The following TENM3 variants were observed in gnomAD, a reference collection of about 807,000 sequenced individuals.
The protein encoded by TENM3 is teneurin transmembrane protein 3.
TENM3 carries 63 observed loss-of-function variants against 255.1 expected under a neutral mutation model. The ratio of observed to expected loss-of-function variants is 0.25; its 90% CI spans 0.20 to 0.30. TENM3 has a LOEUF of 0.30. TENM3 is among the 10% of genes least tolerant of loss of function. The pLI, the probability that TENM3 is intolerant of heterozygous loss-of-function variation, is 1.00. For missense variants in TENM3, 2,929 were observed against 3,461.1 expected (o/e 0.85, Z 3.86); for synonymous variants, 1,306 against 1,322.3 (o/e 0.99, Z 0.27).
intron 4 of TENM3, among the ~76,000 whole-genome samples, chr4:182,623,003 CAG>C (rs1366494898): frequency 2.7e-5 from 4 of 149,966 alleles, no homozygotes; most frequent in Non-Finnish European, 4.4e-5. Context: ...TTTTTTTAGA[CAG>C]AGTCTCTTTT....
chr4:182,443,710 T>C (rs1258641127), intron 3 of TENM3, among the ~76,000 whole-genome samples: 1 of 151,810 alleles, frequency 6.6e-6, no homozygotes, highest in Non-Finnish European at 1.5e-5. Context: ...CTACAAAGAG[T>C]CCAGACCTCA....
intron 1 of TENM3, among the ~76,000 whole-genome samples, chr4:182,286,239 A>G (rs1760721153): frequency 6.6e-6 from 1 of 152,210 alleles, no homozygotes; most frequent in Non-Finnish European, 1.5e-5. Flanking sequence ...TCTTTGCCAC[A>G]AGGAACAGTG....
chr4:182,106,058 C>T, the TENM3 span, among the ~76,000 whole-genome samples: 2 of 152,194 alleles, frequency 1.3e-5, no homozygotes, highest in African/African-American at 4.8e-5. Context: ...GGTAGGCCCC[C>T]ACCCTAAGTC....
At chr4:181,635,433 C>T in the TENM3 span, among the ~76,000 whole-genome samples, 1 of 152,144 alleles carries the variant, frequency 6.6e-6, no homozygotes, top group Non-Finnish European at 1.5e-5. Context: ...GAGGATATCC[C>T]AATACATGCT....
the TENM3 span, among the ~76,000 whole-genome samples, chr4:181,714,848 A>G: frequency 2.0e-5 from 3 of 152,202 alleles, no homozygotes; most frequent in Non-Finnish European, 2.9e-5. Flanking sequence ...AATAAAATAT[A>G]TTTATTGCCT....
chr4:181,810,921 C>T, the TENM3 span, among the ~76,000 whole-genome samples: 1 of 151,908 alleles, frequency 6.6e-6, no homozygotes, highest in Non-Finnish European at 1.5e-5. Context: ...TGGGTGACTA[C>T]ATGGAAATAT....
chr4:182,380,373 G>C (rs1021857516), intron 3 of TENM3, among the ~76,000 whole-genome samples: 1 of 152,218 alleles, frequency 6.6e-6, no homozygotes, highest in Non-Finnish European at 1.5e-5. Flanking sequence ...AAATGGAGGA[G>C]TTGTGTGAAA....
chr4:181,594,832 C>T, the TENM3 span, among the ~76,000 whole-genome samples: 2 of 152,296 alleles, frequency 1.3e-5, no homozygotes, highest in South Asian at 4.1e-4. Context: ...CCACACACAT[C>T]TCACAAAAAA....
the TENM3 span, among the ~76,000 whole-genome samples, chr4:181,531,845 C>A: frequency 6.6e-6 from 1 of 152,154 alleles, no homozygotes; most frequent in African/African-American, 2.4e-5. Context: ...AAGGGCGGAG[C>A]AGAGTTGTCA....
chr4:181,827,770 A>G, the TENM3 span, among the ~76,000 whole-genome samples: 1 of 152,176 alleles, frequency 6.6e-6, no homozygotes. Context: ...GGAGAGCAGG[A>G]CGATGCCTAC....
intron 3 of TENM3, among the ~76,000 whole-genome samples, chr4:182,594,156 T>C (rs987412498): frequency 2.0e-5 from 3 of 152,184 alleles, no homozygotes; most frequent in Non-Finnish European, 2.9e-5. Flanking sequence ...TCTGTTCTTA[T>C]GACATTTCCT....
the TENM3 span, among the ~76,000 whole-genome samples, chr4:181,629,245 A>G: frequency 1.9e-4 from 29 of 152,294 alleles, no homozygotes; most frequent in Admixed American, 3.9e-4. Flanking sequence ...GGCTGAGACA[A>G]TGGGATTTTC....
the TENM3 span, among the ~76,000 whole-genome samples, chr4:182,073,521 C>A: frequency 6.6e-6 from 1 of 152,164 alleles, no homozygotes; most frequent in Non-Finnish European, 1.5e-5. Flanking sequence ...AAATACATTT[C>A]TGTTGTTTAC....
chr4:181,475,240 C>G, the TENM3 span, among the ~76,000 whole-genome samples: 3 of 152,126 alleles, frequency 2.0e-5, no homozygotes, highest in Admixed American at 1.3e-4. Flanking sequence ...TTATTTGGGC[C>G]CCTATAGACC....
At chr4:182,628,355 T>C (rs543029277) in intron 4 of TENM3, among the ~76,000 whole-genome samples, 1 of 152,176 alleles carries the variant, frequency 6.6e-6, no homozygotes, top group African/African-American at 2.4e-5. Context: ...TTAGAAAATC[T>C]TTATAGTCTC....
chr4:181,508,109 C>G, the TENM3 span, among the ~76,000 whole-genome samples: 1 of 152,136 alleles, frequency 6.6e-6, no homozygotes, highest in African/African-American at 2.4e-5. Flanking sequence ...GCATCTCCTC[C>G]GTGACTGCCG....
chr4:182,485,045 C>T (rs1165446550), intron 3 of TENM3, among the ~76,000 whole-genome samples: 1 of 152,032 alleles, frequency 6.6e-6, no homozygotes, highest in Non-Finnish European at 1.5e-5. Flanking sequence ...CAAAAACTTT[C>T]AAGAAGACAT....
At chr4:181,902,101 G>C in the TENM3 span, among the ~76,000 whole-genome samples, 1 of 108,826 alleles carries the variant, frequency 9.2e-6, no homozygotes, top group Non-Finnish European at 1.8e-5. Context: ...AGGTAAATGC[G>C]TGTGCATGTG....
the TENM3 span, among the ~76,000 whole-genome samples, chr4:181,928,076 C>A: frequency 1.3e-5 from 2 of 152,072 alleles, no homozygotes; most frequent in African/African-American, 2.4e-5. Flanking sequence ...TGAGGAAAAA[C>A]CAGTATAAAA....
Sources: allele counts gnomAD v4.1 joint callset (sites outside exome capture counted in the v4.1 genomes callset), GRCh38; gene constraint gnomAD v4.1.1; transcripts MANE v1.5; gene names NCBI Gene and HGNC (gene_info 2026-07-23, HGNC 2026-07-21).